The following ANO2 variants were observed in gnomAD, a reference collection of about 807,000 sequenced individuals.
The protein encoded by ANO2 is anoctamin 2.
In ANO2, 101 loss-of-function variants were observed where a neutral mutation model predicts 124.2. That is an observed-to-expected ratio of 0.81 (90% CI 0.69 to 0.96). ANO2 has a LOEUF of 0.96. ANO2 is among the 40% of genes least tolerant of loss of function. The pLI is 0.00. For synonymous variants in ANO2, 486 were observed against 482.5 expected (o/e 1.01, Z -0.09); for missense variants, 1,293 against 1,274.5 (o/e 1.01, Z -0.22).
chr12:5,719,026 A>T (rs1950123452), intron 14 of ANO2, among the ~76,000 whole-genome samples: 1 of 152,082 alleles, frequency 6.6e-6, no homozygotes, highest in African/African-American at 2.4e-5. Context: ...ACACCTTCCT[A>T]GCTAGCTCCG....
intron 10 of ANO2, among the ~76,000 whole-genome samples, chr12:5,779,082 A>T (rs984006376): frequency 6.6e-6 from 1 of 152,256 alleles, no homozygotes; most frequent in Non-Finnish European, 1.5e-5. Context: ...GTTGAATCAA[A>T]TGACCTCTGG....
intron 14 of ANO2, among the ~76,000 whole-genome samples, chr12:5,685,739 T>C: frequency 6.6e-6 from 1 of 152,144 alleles, no homozygotes; most frequent in East Asian, 1.9e-4. Flanking sequence ...ATCATGCCAC[T>C]GCACTCCAGC....
At chr12:5,873,667 G>A (rs184166926) in intron 3 of ANO2, among the ~76,000 whole-genome samples, 1 of 152,364 alleles carries the variant, frequency 6.6e-6, no homozygotes, top group Admixed American at 6.5e-5. Context: ...CAGGACAAAT[G>A]AGGTGTTTCT....
chr12:5,681,912 A>T (rs1948509055), intron 14 of ANO2, among the ~76,000 whole-genome samples: 1 of 152,254 alleles, frequency 6.6e-6, no homozygotes. Flanking sequence ...GGTCCAGAGG[A>T]TAAGAACAGA....
At chr12:5,903,987 C>T (rs192590275) in intron 3 of ANO2, among the ~76,000 whole-genome samples, 31 of 152,258 alleles carry the variant, frequency 2.0e-4, no homozygotes, top group Middle Eastern at 6.8e-3. Flanking sequence ...GAAACCCACA[C>T]ATGTACATGG....
At chr12:5,612,138 G>C (rs1408487530) in intron 19 of ANO2, among the ~76,000 whole-genome samples, 1 of 152,184 alleles carries the variant, frequency 6.6e-6, no homozygotes, top group Non-Finnish European at 1.5e-5. Context: ...TGCAAAACCT[G>C]ATTGAAAGAA....
chr12:5,582,573 AT>A (rs1942811631), intron 20 of ANO2, among the ~76,000 whole-genome samples: 1 of 152,200 alleles, frequency 6.6e-6, no homozygotes, highest in Admixed American at 6.5e-5. Context: ...GGTGGAGAAG[AT>A]TTTGATGGAA....
chr12:5,886,265 G>C (rs1938897384), intron 3 of ANO2, among the ~76,000 whole-genome samples: 1 of 152,128 alleles, frequency 6.6e-6, no homozygotes, highest in South Asian at 2.1e-4. Flanking sequence ...AACAAAATGT[G>C]GTATATACAC....
At chr12:5,578,542 G>T in intron 20 of ANO2, 24 bp from the exon 21 acceptor site, 1 of 1,604,674 alleles carries the variant, frequency 6.2e-7, no homozygotes, top group South Asian at 1.1e-5. Flanking sequence ...CAGCATGAGG[G>T]CTTCAGCAGG....
chr12:5,579,913 A>G (rs1445706493), intron 20 of ANO2, among the ~76,000 whole-genome samples: 2 of 152,164 alleles, frequency 1.3e-5, no homozygotes, highest in African/African-American at 4.8e-5. Flanking sequence ...TCCTTGGTGA[A>G]GCCCCATCCC....
chr12:5,659,278 G>T (rs75634927), intron 14 of ANO2, among the ~76,000 whole-genome samples: 4,300 of 152,234 alleles, frequency 0.028, 119 homozygotes, highest in East Asian at 0.1. Context: ...GAGGAGTAAG[G>T]CCAGTATTTG....
chr12:5,782,529 G>C (rs906371563), intron 10 of ANO2, among the ~76,000 whole-genome samples: 9 of 151,792 alleles, frequency 5.9e-5, no homozygotes, highest in Non-Finnish European at 1.2e-4. Context: ...TTTTTTTCAG[G>C]GATTACCTGC....
chr12:5,678,618 G>T (rs145000848), intron 14 of ANO2, among the ~76,000 whole-genome samples: 2 of 152,180 alleles, frequency 1.3e-5, no homozygotes, highest in African/African-American at 2.4e-5. Flanking sequence ...TCTGTGCTAC[G>T]TGGAATTAGA....
intron 3 of ANO2, among the ~76,000 whole-genome samples, chr12:5,867,041 T>A (rs1955445220): frequency 1.3e-5 from 2 of 152,210 alleles, no homozygotes; most frequent in Non-Finnish European, 1.5e-5. Context: ...AAGCCTCCCA[T>A]GTGGCACAGA....
rs117405362 is a variant in ANO2 at position 5,829,196 on chromosome 12, T to C, written c.840+1239A>G. The stretch of plus-strand genomic sequence containing the variant: ...CAATAATAATTAGGAACAGCACTTA[T>C]ATGGCATTGTATTATTTTACGAGTA... On this transcript the variant is annotated intron_variant, in intron 6 of 24. Transcript: ENST00000682330. Among the ~76,000 whole-genome samples the C allele has an allele frequency of 4.7e-3, 720 of 152,336 alleles. 4 individuals carry two copies. Among genetic ancestry groups the C allele is most frequent in the Non-Finnish European group, 8.0e-3 (545 of 68,018 alleles).
intron 4 of ANO2, 64 bp from the exon 5 acceptor site, chr12:5,832,667 CA>C (rs978968203): frequency 1.5e-5 from 22 of 1,487,320 alleles, no homozygotes; most frequent in Admixed American, 4.6e-5. Flanking sequence ...AATGGCTTCA[CA>C]AAAAAAAGCT....
At chr12:5,657,099 C>T (rs182927317) in intron 14 of ANO2, among the ~76,000 whole-genome samples, 51 of 152,264 alleles carry the variant, frequency 3.3e-4, no homozygotes, top group Admixed American at 9.1e-4. Flanking sequence ...CCTGTTTCCA[C>T]GAATGACTTC....
At chr12:5,583,515 C>T (rs573062091) in intron 20 of ANO2, among the ~76,000 whole-genome samples, 14 of 150,808 alleles carry the variant, frequency 9.3e-5, no homozygotes, top group Non-Finnish European at 1.5e-4. Context: ...TAGCCGGGCG[C>T]AGTGGCGGGC....
Position 5,922,730 on chromosome 12 carries a change from G to T in ANO2, c.97C>A (p.His33Asn). The T allele has an allele frequency of 6.2e-7, 1 of 1,601,168 alleles. No homozygotes were observed. The highest frequency in any genetic ancestry group is 8.5e-7 in the Non-Finnish European group (1 of 1,174,984). Residue 33 changes from histidine (H) to asparagine (N), a missense_variant, in exon 2 of 25, where the codon CAT becomes AAT. By Grantham distance (68) the His-to-Asn change is moderately conservative. Coordinates refer to ENST00000682330, the MANE Select transcript of ANO2 (RefSeq NM_001364791.2). ...GGCATCTTGAGACACTGCTGTCCAT[G>T]TTTGGGGCCCTGGCCCCCTCTGGAC... ...AGSRGGQGPK[H>N]GQQCLKMPGP...
Sources: gnomAD v4.1 joint callset for allele counts (sites outside exome capture counted in the v4.1 genomes callset) on GRCh38, gnomAD v4.1.1 for gene constraint, MANE v1.5 for transcripts, NCBI Gene and HGNC (gene_info 2026-07-23, HGNC 2026-07-21) for gene names.